The following PAK3 variants were observed in gnomAD, a reference collection of about 807,000 sequenced individuals.
The protein encoded by PAK3 is p21 (RAC1) activated kinase 3, also known as serine/threonine-protein kinase PAK 3.
A neutral mutation model predicts 41.0 loss-of-function variants in PAK3; 4 were observed. The ratio of observed to expected loss-of-function variants is 0.10; its 90% CI spans 0.05 to 0.22. The LOEUF (loss-of-function observed/expected upper bound fraction) is 0.22. Ranked by LOEUF, PAK3 falls within the 10% of genes least tolerant of loss-of-function variation. The pLI, the probability that PAK3 is intolerant of heterozygous loss-of-function variation, is 1.00. For synonymous variants in PAK3, 146 were observed against 139.6 expected (o/e 1.05, Z -0.32); for missense variants, 205 against 409.9 (o/e 0.50, Z 4.32).
intron 1 of PAK3, among the ~76,000 whole-genome samples, chrX:110,968,880 T>C (rs909087703): frequency 9.1e-6 from 1 of 110,417 alleles, no homozygotes; most frequent in Non-Finnish European, 1.9e-5. Flanking sequence ...ATACTTTTCG[T>C]GTCATGCCTA....
At chrX:110,981,484 G>T (rs1298017537) in intron 1 of PAK3, among the ~76,000 whole-genome samples, 1 of 110,858 alleles carries the variant, frequency 9.0e-6, no homozygotes, top group Non-Finnish European at 1.9e-5. Context: ...ATGAACTAAA[G>T]TATTTAAAGA....
chrX:111,134,908 G>A (rs2093767478), intron 5 of PAK3, among the ~76,000 whole-genome samples: 1 of 111,555 alleles, frequency 9.0e-6, no homozygotes, highest in Admixed American at 9.5e-5. Context: ...AGTGGGAGAG[G>A]GGTAGAGAAG....
intron 1 of PAK3, among the ~76,000 whole-genome samples, chrX:111,006,849 C>T (rs1383799420): frequency 2.8e-4 from 12 of 42,679 alleles, no homozygotes; most frequent in Non-Finnish European, 3.1e-4. Context: ...TTCTTTCTTT[C>T]TTTTTTTTTT....
At chrX:111,187,059 T>C (rs1254562340) in intron 11 of PAK3, among the ~76,000 whole-genome samples, 1 of 111,840 alleles carries the variant, frequency 8.9e-6, no homozygotes, top group Non-Finnish European at 1.9e-5. Flanking sequence ...ATAAATAATT[T>C]TGATGATTGA....
chrX:111,110,384 C>T (rs907697132), intron 4 of PAK3, among the ~76,000 whole-genome samples: 12 of 111,710 alleles, frequency 1.1e-4, no homozygotes, highest in Non-Finnish European at 1.5e-4. Context: ...AATATTTGCA[C>T]CTTCACTTGG....
chrX:110,985,283 C>T (rs1291144085), intron 1 of PAK3, among the ~76,000 whole-genome samples: 1 of 111,043 alleles, frequency 9.0e-6, no homozygotes, highest in Non-Finnish European at 1.9e-5. Flanking sequence ...CCCACCCACA[C>T]TGATTTTCTG....
At chrX:110,986,609 TA>T (rs1408999348) in intron 1 of PAK3, among the ~76,000 whole-genome samples, 1 of 111,836 alleles carries the variant, frequency 8.9e-6, no homozygotes, top group Non-Finnish European at 1.9e-5. Flanking sequence ...TGGGCTGTAT[TA>T]AATGCTTTCC....
intron 1 of PAK3, among the ~76,000 whole-genome samples, chrX:111,041,799 A>G (rs189745999): frequency 1.3e-4 from 15 of 111,239 alleles, no homozygotes; most frequent in Middle Eastern, 4.7e-3. Flanking sequence ...AATAAACTTT[A>G]TTGGACCACC....
Position 111,142,193 on chromosome X carries a change from C to T in PAK3, c.273C>T (p.Phe91=). The part of the protein sequence containing the change: ...HVGFDAVTGE[F]TGIPEQWARL... ...GGTTTGATGCAGTCACCGGGGAATT[C>T]ACTGTAAGTAAGCTCCTTGTTTTGT... Residue 91 remains phenylalanine (F), a synonymous_variant, in exon 6 of 18, where the codon TTC becomes TTT. Coordinates refer to ENST00000372007, the MANE Select transcript of PAK3 (RefSeq NM_002578.5). The T allele has an allele frequency of 1.9e-6, 2 of 1,046,750 alleles. No homozygotes were observed. The highest frequency in any genetic ancestry group is 2.7e-6 in the Non-Finnish European group (2 of 744,582). The allele number at this position is 1,046,750 out of a possible 1,213,427, so 86.3% of individuals were successfully genotyped here.
chrX:111,198,540 A>T (rs1315469915), intron 16 of PAK3, among the ~76,000 whole-genome samples: 2 of 112,303 alleles, frequency 1.8e-5, no homozygotes, highest in African/African-American at 3.2e-5. Flanking sequence ...AATCTTCTGC[A>T]TATGGCTAGC....
chrX:111,032,732 G>GT (rs1764778328), intron 1 of PAK3, among the ~76,000 whole-genome samples: 1 of 111,035 alleles, frequency 9.0e-6, no homozygotes, highest in Non-Finnish European at 1.9e-5. Flanking sequence ...TTACTGAAGT[G>GT]AAGGGAGAAG....
chrX:111,021,664 A>C (rs988334241), intron 1 of PAK3, among the ~76,000 whole-genome samples: 2 of 111,354 alleles, frequency 1.8e-5, no homozygotes, highest in Non-Finnish European at 3.8e-5. Context: ...CAATGGATCC[A>C]AACCAAGATG....
chrX:111,138,023 C>T (rs748372893), intron 5 of PAK3, among the ~76,000 whole-genome samples: 1 of 108,527 alleles, frequency 9.2e-6, no homozygotes, highest in South Asian at 4.0e-4. Context: ...TTGCTAAACA[C>T]TTACTGAAAG....
chrX:111,190,454 T>A (rs780135066), intron 11 of PAK3, among the ~76,000 whole-genome samples: 1 of 111,860 alleles, frequency 8.9e-6, no homozygotes, highest in Non-Finnish European at 1.9e-5. Context: ...CTTAGTGCAG[T>A]GTCTGACATA....
rs2090795347 is a variant in PAK3 at position 110,953,846 on chromosome X, A to G, written c.-28+9218A>G. On this transcript the variant is annotated intron_variant, in intron 1 of 14. Coordinates refer to the PAK3 transcript ENST00000425146. ...GAACAAACTGACCAGTCATTTAATA[A>G]TGAGTATATTTCAAGCCCTTTGGCA... Among the ~76,000 whole-genome samples the G allele has an allele frequency of 5.4e-5, 6 of 111,907 alleles. No individual in the cohort carries two copies. The Admixed American group carries it at 5.7e-4, about 11-fold the overall frequency.
intron 10 of PAK3, among the ~76,000 whole-genome samples, chrX:111,166,966 T>A (rs1320312153): frequency 4.5e-5 from 5 of 110,335 alleles, no homozygotes; most frequent in Non-Finnish European, 5.6e-5. Flanking sequence ...ACTTAACATC[T>A]CTGAACATAA....
At chrX:111,047,731 G>A (rs1260808044) in intron 1 of PAK3, among the ~76,000 whole-genome samples, 5 of 111,443 alleles carry the variant, frequency 4.5e-5, no homozygotes, top group Non-Finnish European at 9.4e-5. Flanking sequence ...AGGCCATGGG[G>A]AATTTTAGAG....
intron 1 of PAK3, among the ~76,000 whole-genome samples, chrX:110,954,435 G>A (rs1428916816): frequency 8.9e-6 from 1 of 112,245 alleles, no homozygotes; most frequent in Non-Finnish European, 1.9e-5. Flanking sequence ...GAGCAGCTAA[G>A]TGATTTGCAC....
intron 1 of PAK3, among the ~76,000 whole-genome samples, chrX:110,963,215 A>C (rs2091014074): frequency 8.9e-6 from 1 of 112,434 alleles, no homozygotes; most frequent in Admixed American, 9.4e-5. Context: ...CTGAATTAAA[A>C]TTTTTTACAT....
Sources: allele counts gnomAD v4.1 joint callset (sites outside exome capture counted in the v4.1 genomes callset), GRCh38; gene constraint gnomAD v4.1.1; transcripts MANE v1.5; gene names NCBI Gene and HGNC (gene_info 2026-07-23, HGNC 2026-07-21).